SMN1: variants seen among roughly 807,000 people sequenced by gnomAD.
SMN1 encodes the protein survival of motor neuron 1, telomeric.
For synonymous variants in SMN1, 3 were observed against 5.1 expected (o/e 0.58, Z 0.56); for missense variants, 15 against 17.1 (o/e 0.88, Z 0.22).
chr5:70,950,608 C>CA (rs1183443196), intron 7 of SMN1, among the ~76,000 whole-genome samples: 29 of 137,132 alleles, frequency 2.1e-4, no homozygotes, highest in Non-Finnish European at 3.8e-4. Flanking sequence ...CATATGCCAC[C>CA]ACGCCCAGCC....
At chr5:70,960,348 G>C in the SMN1 span, among the ~76,000 whole-genome samples, 1 of 148,802 alleles carries the variant, frequency 6.7e-6, no homozygotes, top group Admixed American at 6.8e-5. Context: ...CAGTTTCATG[G>C]TTTTTCATGG....
chr5:70,950,081 A>T (rs567249557), intron 7 of SMN1, among the ~76,000 whole-genome samples: 1,490 of 146,976 alleles, frequency 0.01, 8 homozygotes, highest in African/African-American at 0.036. Flanking sequence ...AAAAAAAAAA[A>T]TAAGGTATAA....
At chr5:70,959,983 TAG>T in the SMN1 span, among the ~76,000 whole-genome samples, 1 of 134,062 alleles carries the variant, frequency 7.5e-6, no homozygotes, top group Non-Finnish European at 1.6e-5. Flanking sequence ...TTGTTTTCAG[TAG>T]AGGTTATATT....
downstream of SMN1, among the ~76,000 whole-genome samples, chr5:70,956,788 T>G (rs1749916411): frequency 1.3e-5 from 2 of 149,858 alleles, no homozygotes; most frequent in South Asian, 4.3e-4. Context: ...AGGATTGACT[T>G]GGCGATGCGG....
rs147714462 is a variant in SMN1, at chr5:70,952,233, A to G, written c.*4-206A>G. On this transcript the variant is annotated intron_variant, in intron 8 of 8. Transcript: ENST00000380707. ...TATGTGGAAGAAACATACTTTCACA[A>G]TAAAGAGCTTTAGGATATGATGCCA... is the stretch of plus-strand genomic sequence containing the variant. The G allele has an allele frequency of 2.0e-3, 2,905 of 1,487,724 alleles. 80 individuals carry two copies. In the African/African-American group the frequency reaches 0.036, roughly 18 times the overall value. 92.2% of individuals were successfully genotyped at this position (1,487,724 alleles called of 1,614,324 possible).
downstream of SMN1, among the ~76,000 whole-genome samples, chr5:70,956,651 C>T (rs1749912256): frequency 6.7e-6 from 1 of 150,296 alleles, no homozygotes; most frequent in African/African-American, 2.4e-5. Flanking sequence ...TTTCTGAGAG[C>T]TCTGTTCTGT....
intron 8 of SMN1, 195 bp downstream of exon 8, chr5:70,952,189 T>A: frequency 6.7e-7 from 1 of 1,487,064 alleles, no homozygotes; most frequent in East Asian, 2.5e-5. Context: ...ACTAGAATTC[T>A]CATACTTAAC....
chr5:70,952,205 G>A (rs571132285), intron 8 of SMN1: 1 of 1,499,098 alleles, frequency 6.7e-7, no homozygotes, highest in Non-Finnish European at 8.9e-7. Flanking sequence ...TTAACTGGTT[G>A]GTTATGTGGA....
intron 7 of SMN1, among the ~76,000 whole-genome samples, chr5:70,949,925 G>A (rs1408617409): frequency 1.6e-4 from 20 of 128,128 alleles, no homozygotes; most frequent in Non-Finnish European, 2.7e-4. Flanking sequence ...AAAATTAGGC[G>A]GGCGTGGTGG....
downstream of SMN1, chr5:70,953,304 G>GT (rs1237046858): frequency 1.0e-5 from 1 of 97,950 alleles, no homozygotes; most frequent in Non-Finnish European, 2.4e-5. Context: ...TTACAGGCAT[G>GT]TGGCACCATG....
downstream of SMN1, among the ~76,000 whole-genome samples, chr5:70,956,687 G>A (rs1216457853): frequency 6.6e-6 from 1 of 150,396 alleles, no homozygotes; most frequent in African/African-American, 2.4e-5. Flanking sequence ...CTCTGTTTTG[G>A]TACCAGTACC....
chr5:70,943,840 GT>G (rs758711080), intron 5 of SMN1, among the ~76,000 whole-genome samples: 8 of 143,124 alleles, frequency 5.6e-5, no homozygotes, highest in Non-Finnish European at 1.3e-4. Flanking sequence ...TCAGGCTGGA[GT>G]GCAGTGGCAC....
chr5:70,954,975 G>A (rs1490711434), downstream of SMN1, among the ~76,000 whole-genome samples: 6 of 115,204 alleles, frequency 5.2e-5, no homozygotes, highest in East Asian at 2.7e-4. Context: ...ATTTTGGGAG[G>A]ACGAGACAGG....
the SMN1 span, among the ~76,000 whole-genome samples, chr5:70,960,535 A>C: frequency 7.0e-6 from 1 of 143,696 alleles, no homozygotes; most frequent in Non-Finnish European, 1.5e-5. Context: ...TTTACTGTTT[A>C]AAGTGATTCC....
chr5:70,945,597 G>GTGTA (rs1554082095), intron 6 of SMN1, among the ~76,000 whole-genome samples: 1 of 110,972 alleles, frequency 9.0e-6, no homozygotes, highest in Admixed American at 9.5e-5. Context: ...GTGTGTGTGT[G>GTGTA]TGTATTAAGG....
the SMN1 span, among the ~76,000 whole-genome samples, chr5:70,960,843 C>G: frequency 1.3e-5 from 2 of 149,662 alleles, no homozygotes; most frequent in Non-Finnish European, 3.0e-5. Context: ...TTATAGGCAC[C>G]CGCCACTGCA....
the SMN1 span, among the ~76,000 whole-genome samples, chr5:70,963,703 ATTTC>A: frequency 1.6e-5 from 2 of 123,588 alleles, no homozygotes; most frequent in African/African-American, 2.7e-5. Context: ...AGTTTGAGGT[ATTTC>A]TTTATAGCAG....
At chr5:70,960,112 TTTTTA>T in the SMN1 span, among the ~76,000 whole-genome samples, 3 of 150,646 alleles carry the variant, frequency 2.0e-5, no homozygotes, top group Non-Finnish European at 3.0e-5. Flanking sequence ...TATTTGTACA[TTTTTA>T]TTTTATTGTG....
chr5:70,963,946 G>A, the SMN1 span, among the ~76,000 whole-genome samples: 11 of 95,520 alleles, frequency 1.2e-4, no homozygotes, highest in East Asian at 2.1e-3. Flanking sequence ...GTGCAGTGGC[G>A]TGATCTTGGC....
Sources: gnomAD v4.1 joint callset for allele counts (sites outside exome capture counted in the v4.1 genomes callset) on GRCh38, gnomAD v4.1.1 for gene constraint, MANE v1.5 for transcripts, NCBI Gene and HGNC (gene_info 2026-07-23, HGNC 2026-07-21) for gene names.